Variants in RASAL2 observed in about 807,000 individuals in gnomAD.
RASAL2 encodes RAS protein activator like 2.
In RASAL2, 58 loss-of-function variants were observed where a neutral mutation model predicts 128.9. That is an observed-to-expected ratio of 0.45 (90% CI 0.36 to 0.56). The LOEUF (loss-of-function observed/expected upper bound fraction) is 0.56. RASAL2 is among the 20% of genes least tolerant of loss of function. RASAL2 has a pLI of 0.00. For missense variants in RASAL2, 1,360 were observed against 1,601.6 expected, an observed-to-expected ratio of 0.85 and a Z score of 2.57; for synonymous variants, 561 against 580.8, an observed-to-expected ratio of 0.97 and a Z score of 0.49.
chr1:178,387,974 C>T (rs1672681407), intron 3 of RASAL2, among the ~76,000 whole-genome samples: 2 of 151,836 alleles, frequency 1.3e-5, no homozygotes, highest in African/African-American at 4.8e-5. Flanking sequence ...GTTTTTTTTC[C>T]TTAGCCAGAA....
intron 3 of RASAL2, among the ~76,000 whole-genome samples, chr1:178,341,824 T>G (rs1486213622): frequency 2.6e-5 from 4 of 152,206 alleles, no homozygotes; most frequent in Non-Finnish European, 5.9e-5. Context: ...AATAGCCATC[T>G]AAGAAACTCA....
intron 1 of RASAL2, among the ~76,000 whole-genome samples, chr1:178,255,755 AAGC>A (rs1281906044): frequency 6.6e-6 from 1 of 152,106 alleles, no homozygotes; most frequent in East Asian, 1.9e-4. Flanking sequence ...ATGCAAAAGA[AAGC>A]AGTAAAAGAA....
intron 4 of RASAL2, among the ~76,000 whole-genome samples, chr1:178,408,061 T>C (rs1027780301): frequency 4.6e-5 from 7 of 152,212 alleles, no homozygotes; most frequent in African/African-American, 1.7e-4. Flanking sequence ...TGAAAGAAAA[T>C]AATGAATACC....
intron 1 of RASAL2, among the ~76,000 whole-genome samples, chr1:178,149,033 T>C (rs899070244): frequency 2.6e-5 from 4 of 152,070 alleles, no homozygotes; most frequent in African/African-American, 9.7e-5. Flanking sequence ...TTTTCCTAAG[T>C]ATAGATGACA....
intron 2 of RASAL2, among the ~76,000 whole-genome samples, chr1:178,295,243 C>CA (rs781677519): frequency 0.012 from 1,326 of 115,114 alleles, 6 homozygotes; most frequent in Middle Eastern, 0.018. Context: ...TTTTTTCTCC[C>CA]AAAAAAAAAA....
At chr1:178,472,887 A>G (rs1271552460) in intron 17 of RASAL2, among the ~76,000 whole-genome samples, 188 bp from the exon 18 acceptor site, 1 of 152,224 alleles carries the variant, frequency 6.6e-6, no homozygotes, top group Non-Finnish European at 1.5e-5. Context: ...AAAAATAAAC[A>G]CAGATCCACT....
chr1:178,180,744 A>G (rs1280904977), intron 1 of RASAL2, among the ~76,000 whole-genome samples: 2 of 150,124 alleles, frequency 1.3e-5, no homozygotes, highest in Non-Finnish European at 3.0e-5. Context: ...ACAATTTTTA[A>G]TTAGCCTCTC....
chr1:178,192,113 A>G (rs538910462), intron 1 of RASAL2, among the ~76,000 whole-genome samples: 1 of 152,266 alleles, frequency 6.6e-6, no homozygotes, highest in African/African-American at 2.4e-5. Flanking sequence ...GCTGATTTAA[A>G]TAATTTTTAA....
rs1159178446 is a variant in RASAL2, at chr1:178,452,644, C to T, written c.2001C>T (p.Asn667=). 1.2e-6 allele frequency: 2 copies of T among 1,610,656 alleles called. No homozygotes were observed. ...LIAKVIQNLA[N]FAKFGNKEEY... is the part of the protein sequence containing the mutation. ...CCAAGGTCATTCAGAACCTGGCCAA[C>T]TTTGCCAAGTAGGTGATACTGTTGT... Residue 667 remains asparagine, a synonymous_variant, in exon 11 of 18, where the codon AAC becomes AAT. Coordinates refer to ENST00000367649, the MANE Select transcript of RASAL2 (RefSeq NM_170692.4).
At chr1:178,361,658 C>T (rs73035274) in intron 3 of RASAL2, among the ~76,000 whole-genome samples, 2,041 of 152,032 alleles carry the variant, frequency 0.013, 47 homozygotes, top group African/African-American at 0.046. Context: ...TTTTTGGCAC[C>T]AGGGTCTGGT....
chr1:178,385,772 C>T (rs1301499757), intron 3 of RASAL2, among the ~76,000 whole-genome samples: 1 of 152,148 alleles, frequency 6.6e-6, no homozygotes, highest in Non-Finnish European at 1.5e-5. Context: ...TTCCCACTCA[C>T]TGGCACCAAT....
chr1:178,182,224 A>AT (rs1331464520), intron 1 of RASAL2, among the ~76,000 whole-genome samples: 2 of 152,158 alleles, frequency 1.3e-5, no homozygotes, highest in Non-Finnish European at 2.9e-5. Flanking sequence ...AGCTTTAGCC[A>AT]TTGGGTACTC....
chr1:178,441,211 C>CT (rs1462492090), intron 6 of RASAL2, among the ~76,000 whole-genome samples: 1 of 152,138 alleles, frequency 6.6e-6, no homozygotes, highest in Non-Finnish European at 1.5e-5. Context: ...TAGCATATGT[C>CT]TAACTCACAG....
At chr1:178,192,538 A>G (rs1662527982) in intron 1 of RASAL2, among the ~76,000 whole-genome samples, 1 of 152,218 alleles carries the variant, frequency 6.6e-6, no homozygotes, top group Admixed American at 6.5e-5. Context: ...ATAAATGTGA[A>G]GTAGATTTAT....
chr1:178,326,860 C>G (rs1023267848), intron 3 of RASAL2, among the ~76,000 whole-genome samples: 33 of 152,124 alleles, frequency 2.2e-4, no homozygotes, highest in Admixed American at 2.1e-3. Flanking sequence ...GTTTTCCTTT[C>G]TATAACCCCC....
intron 4 of RASAL2, among the ~76,000 whole-genome samples, chr1:178,409,623 T>C (rs1350181150): frequency 6.6e-6 from 1 of 152,200 alleles, no homozygotes; most frequent in African/African-American, 2.4e-5. Flanking sequence ...CAGATGATAC[T>C]ATATCTTATA....
chr1:178,226,282 G>T (rs569007560), intron 1 of RASAL2, among the ~76,000 whole-genome samples: 5 of 152,102 alleles, frequency 3.3e-5, no homozygotes, highest in South Asian at 4.2e-4. Context: ...TTGTTTTTTG[G>T]GGGGGCATGT....
intron 1 of RASAL2, among the ~76,000 whole-genome samples, chr1:178,242,455 C>T (rs1395998161): frequency 4.0e-5 from 5 of 126,440 alleles, no homozygotes; most frequent in African/African-American, 1.3e-4. Flanking sequence ...CTCTCTCTCT[C>T]TCTCTCTCTC....
At chr1:178,363,506 T>A (rs1366028208) in intron 3 of RASAL2, among the ~76,000 whole-genome samples, 1 of 152,220 alleles carries the variant, frequency 6.6e-6, no homozygotes, top group Non-Finnish European at 1.5e-5. Flanking sequence ...TATTAACTTT[T>A]ATCCGGTACC....
Sources: allele counts gnomAD v4.1 joint callset (sites outside exome capture counted in the v4.1 genomes callset), GRCh38; gene constraint gnomAD v4.1.1; transcripts MANE v1.5; gene names NCBI Gene and HGNC (gene_info 2026-07-23, HGNC 2026-07-21).